The following AMD1 variants were observed in gnomAD, a reference collection of about 807,000 sequenced individuals.
AMD1 encodes S-adenosylmethionine decarboxylase proenzyme.
A neutral mutation model predicts 40.2 loss-of-function variants in AMD1; 11 were observed. The ratio of observed to expected loss-of-function variants is 0.27; its 90% confidence interval spans 0.17 to 0.45. The LOEUF (loss-of-function observed/expected upper bound fraction) is 0.45. Ranked by LOEUF, AMD1 falls within the 20% of genes least tolerant of loss-of-function variation. AMD1 has a pLI of 1.00. For missense variants in AMD1, 257 were observed against 410.2 expected, an observed-to-expected ratio of 0.63 and a Z score of 3.23; for synonymous variants, 121 against 130.8, an observed-to-expected ratio of 0.93 and a Z score of 0.51.
At chr6:110,857,037 A>G in the AMD1 span, among the ~76,000 whole-genome samples, 1 of 151,674 alleles carries the variant, frequency 6.6e-6, no homozygotes, top group Non-Finnish European at 1.5e-5. Flanking sequence ...AGTGGCGGGC[A>G]CCTGTAATCC....
At chr6:110,820,225 T>C in the AMD1 span, among the ~76,000 whole-genome samples, 1 of 146,952 alleles carries the variant, frequency 6.8e-6, no homozygotes, top group African/African-American at 2.5e-5. Flanking sequence ...CCCCAAATTC[T>C]TTCTTTCTTT....
At chr6:110,887,286 AATAC>A (rs1785750614) in intron 1 of AMD1, among the ~76,000 whole-genome samples, 1 of 152,168 alleles carries the variant, frequency 6.6e-6, no homozygotes, top group Non-Finnish European at 1.5e-5. Context: ...GTAATTTGTA[AATAC>A]ATAGTATAAT....
At chr6:110,858,235 A>AG in the AMD1 span, 1 of 914,760 alleles carries the variant, frequency 1.1e-6, no homozygotes, top group African/African-American at 1.7e-5. Flanking sequence ...AGCGCGCGCC[A>AG]GCCATGAGCT....
At chr6:110,831,489 C>T in the AMD1 span, among the ~76,000 whole-genome samples, 4 of 151,788 alleles carry the variant, frequency 2.6e-5, no homozygotes, top group Non-Finnish European at 5.9e-5. Context: ...GACACAGGGT[C>T]TCACTATGTT....
At chr6:110,849,326 G>C in the AMD1 span, among the ~76,000 whole-genome samples, 1 of 152,120 alleles carries the variant, frequency 6.6e-6, no homozygotes, top group Admixed American at 6.6e-5. Flanking sequence ...CTTTAAATTG[G>C]CTGAAGAAAT....
chr6:110,838,198 G>C, the AMD1 span, among the ~76,000 whole-genome samples: 1 of 151,780 alleles, frequency 6.6e-6, no homozygotes, highest in Non-Finnish European at 1.5e-5. Flanking sequence ...AGACCAGCCT[G>C]GCCAACATGG....
the AMD1 span, among the ~76,000 whole-genome samples, chr6:110,867,381 C>G: frequency 2.6e-5 from 4 of 151,864 alleles, no homozygotes; most frequent in Non-Finnish European, 5.9e-5. Context: ...AAAGTAAATA[C>G]AGGCCAGGTG....
chr6:110,822,028 C>T, the AMD1 span, among the ~76,000 whole-genome samples: 1 of 152,042 alleles, frequency 6.6e-6, no homozygotes, highest in African/African-American at 2.4e-5. Flanking sequence ...ACAGGTGTTT[C>T]CTTGAAAACA....
chr6:110,852,512 A>T, the AMD1 span, among the ~76,000 whole-genome samples: 1 of 151,928 alleles, frequency 6.6e-6, no homozygotes, highest in South Asian at 2.1e-4. Flanking sequence ...GAGCCACTGC[A>T]CCTGGCCCAT....
At chr6:110,857,594 G>GTA in the AMD1 span, among the ~76,000 whole-genome samples, 33 of 110,020 alleles carry the variant, frequency 3.0e-4, no homozygotes, top group East Asian at 8.2e-4. Flanking sequence ...TATATAGATG[G>GTA]TATATATATA....
chr6:110,879,276 A>AT (rs1405196251), intron 1 of AMD1, among the ~76,000 whole-genome samples: 2 of 152,134 alleles, frequency 1.3e-5, no homozygotes, highest in Admixed American at 6.6e-5. Context: ...TTTTTGAGCC[A>AT]TTGGGGGATC....
chr6:110,889,025 T>C, intron 3 of AMD1, 42 bp downstream of exon 3: 1 of 1,604,024 alleles, frequency 6.2e-7, no homozygotes, highest in Non-Finnish European at 8.5e-7. Flanking sequence ...GCATAAATGT[T>C]AGCGTTCTTA....
At chr6:110,826,700 T>A in the AMD1 span, among the ~76,000 whole-genome samples, 2 of 150,974 alleles carry the variant, frequency 1.3e-5, no homozygotes, top group Non-Finnish European at 3.0e-5. Context: ...TTTTTTTTTT[T>A]TTTTTGTGAG....
At chr6:110,836,690 T>C in the AMD1 span, among the ~76,000 whole-genome samples, 3 of 152,190 alleles carry the variant, frequency 2.0e-5, no homozygotes, top group Non-Finnish European at 4.4e-5. Context: ...TTGTTTTTAG[T>C]TAAGAAAACC....
At chr6:110,815,269 C>CTCTCGCGCGCGCG in the AMD1 span, 1 of 1,055,638 alleles carries the variant, frequency 9.5e-7, no homozygotes, top group Non-Finnish European at 1.2e-6. Flanking sequence ...CGCCCGCCGC[C>CTCTCGCGCGCGCG]CGCCGCTCCG....
Position 110,892,719 on chromosome 6 carries a change from CT to C in AMD1, c.616-11del, listed in dbSNP as rs202029483. 126 of 1,512,208 alleles carry C rather than the reference CT, an allele frequency of 8.3e-5. No homozygotes were observed. In the South Asian group the frequency reaches 1.2e-3, roughly 15 times the overall value. The allele number at this position is 1,512,208 out of a possible 1,614,324, so 93.7% of individuals were successfully genotyped here. A position where few individuals can be genotyped will look rare whatever the true frequency, so the allele number is the denominator to read the frequency against. On this transcript the variant is annotated splice_polypyrimidine_tract_variant and intron_variant, in intron 6 of 8. Coordinates refer to ENST00000368885, the MANE Select transcript of AMD1 (RefSeq NM_001634.6). The stretch of plus-strand genomic sequence containing the variant: ...TTGTCAAACCCTTGTTAAACTCGGT[CT>C]TTTTCCCCCCCCAGGAGAGTGGAAT...
chr6:110,874,876 G>A lies in AMD1; in HGVS notation c.-230G>A. 1.9e-6 allele frequency: 1 copy of A among 531,276 alleles called. No individual in the cohort carries two copies. Among genetic ancestry groups the A allele is most frequent in the Non-Finnish European group, 3.4e-6 (1 of 297,934 alleles). The allele number at this position is 531,276 out of a possible 1,614,324, so 32.9% of individuals were successfully genotyped here. A position where few individuals can be genotyped will look rare whatever the true frequency, so the allele number is the denominator to read the frequency against. On this transcript the variant is annotated 5_prime_UTR_variant, in exon 1 of 9. Transcript: ENST00000368885. ...GAATACAAGAGACTGAACTGTATCT[G>A]CCTCTATTTCCAAAAGACTCACGTT... is the stretch of plus-strand genomic sequence containing the variant.
chr6:110,835,862 TC>T, the AMD1 span, among the ~76,000 whole-genome samples: 1 of 148,266 alleles, frequency 6.7e-6, no homozygotes, highest in Non-Finnish European at 1.5e-5. Flanking sequence ...CAAGACTCCA[TC>T]CCCCCACCCC....
chr6:110,857,571 A>ATG, the AMD1 span, among the ~76,000 whole-genome samples: 4 of 146,270 alleles, frequency 2.7e-5, no homozygotes, highest in Admixed American at 2.8e-4. Flanking sequence ...ATATATATAT[A>ATG]ATATGGTATA....
Sources: allele counts gnomAD v4.1 joint callset (sites outside exome capture counted in the v4.1 genomes callset), GRCh38; gene constraint gnomAD v4.1.1; transcripts MANE v1.5; gene names NCBI Gene and HGNC (gene_info 2026-07-23, HGNC 2026-07-21).